Variants in ITPKC observed in about 807,000 individuals in gnomAD.
ITPKC encodes IP3 3-kinase C.
Under a neutral mutation model 67.1 loss-of-function variants are expected in ITPKC, and 33 were observed. The observed-to-expected ratio is 0.49, with a 90% CI of 0.37 to 0.66. The LOEUF (loss-of-function observed/expected upper bound fraction) is 0.66, where lower values mean the gene tolerates loss of function less well. ITPKC is among the 30% of genes least tolerant of loss of function. The pLI, the probability that ITPKC is intolerant of heterozygous loss-of-function variation, is 0.00. For missense variants in ITPKC, 820 were observed against 892.1 expected (o/e 0.92, Z 1.03); for synonymous variants, 341 against 359.8 (o/e 0.95, Z 0.59).
chr19:40,729,457 G>A (rs369015336), intron 3 of ITPKC, 42 bp downstream of exon 3: 63 of 1,548,884 alleles, frequency 4.1e-5, no homozygotes, highest in Non-Finnish European at 5.4e-5. Context: ...GAGGGCAGGG[G>A]GTGGGCATTA....
At chr19:40,735,821 T>C (rs1416434110) in intron 4 of ITPKC, among the ~76,000 whole-genome samples, 1 of 152,170 alleles carries the variant, frequency 6.6e-6, no homozygotes, top group Admixed American at 6.5e-5. Flanking sequence ...CAGATAACAT[T>C]AGTCTCATTA....
intron 5 of ITPKC, among the ~76,000 whole-genome samples, chr19:40,737,344 C>T (rs1037661641): frequency 4.6e-5 from 7 of 152,250 alleles, no homozygotes; most frequent in African/African-American, 1.4e-4. Flanking sequence ...ACAGTGGAGG[C>T]AGGGGGCCAA....
At position 40,737,787 on chromosome 19, in the gene ITPKC, C is replaced by T; in HGVS notation, c.1848+18C>T. On this transcript the variant is annotated intron_variant, in intron 6 of 6. Coordinates refer to ENST00000263370, the MANE Select transcript of ITPKC (RefSeq NM_025194.3). Reference sequence around the variant, plus strand: ...CCCACGAGGTGCGAGCCCTGGCTTCCATGGGTGGATGTATGGGTGTCGGGG... The same window carrying T: ...CCCACGAGGTGCGAGCCCTGGCTTCTATGGGTGGATGTATGGGTGTCGGGG... 6.2e-7 allele frequency: 1 copy of T among 1,607,372 alleles called. No individual in the cohort carries two copies. Among genetic ancestry groups the T allele is most frequent in the Non-Finnish European group, 8.5e-7 (1 of 1,173,914 alleles).
intron 2 of ITPKC, among the ~76,000 whole-genome samples, chr19:40,728,983 G>A (rs980366876): frequency 3.9e-5 from 6 of 152,014 alleles, no homozygotes; most frequent in East Asian, 3.9e-4. Flanking sequence ...AGCCGAGATC[G>A]CACCATTGCA....
chr19:40,717,961 T>G lies in ITPKC; in HGVS notation c.826T>G (p.Ser276Ala). 6.2e-7 allele frequency: 1 copy of G among 1,614,084 alleles called. No homozygotes were observed. The highest frequency in any genetic ancestry group is 8.5e-7 in the Non-Finnish European group (1 of 1,180,014). The change falls in exon 1 of 7, where the codon TCC becomes GCC. Residue 276 changes from serine (S) to alanine (A), a missense_variant. By Grantham distance (99) the Ser-to-Ala change is moderately conservative (BLOSUM62 1). This residue lies in a region of ITPKC where 481 missense variants were observed against 470.1 expected (regional missense o/e 1.02). Transcript: ENST00000263370. Reference protein sequence around the residue: ...GFQIQQDTDGSWTQPSTDGSQ... With the variant: ...GFQIQQDTDGAWTQPSTDGSQ... ...CCAAATACAACAGGATACTGATGGC[T>G]CCTGGACACAACCTAGCACTGACGG...
At chr19:40,733,448 G>A in intron 4 of ITPKC, 84 bp downstream of exon 4, 1 of 1,294,426 alleles carries the variant, frequency 7.7e-7, no homozygotes, top group Non-Finnish European at 1.1e-6. Flanking sequence ...AGCCACGAGA[G>A]AGTGCAGGAG....
At chr19:40,738,320 T>C (rs1013823897) in intron 6 of ITPKC, among the ~76,000 whole-genome samples, 2 of 152,076 alleles carry the variant, frequency 1.3e-5, no homozygotes, top group African/African-American at 4.8e-5. Context: ...TCCCAGCTAC[T>C]TGGGAGGCTG....
At position 40,717,834 on chromosome 19, in the gene ITPKC, A is replaced by C. The variant is rs746439303; in HGVS notation, c.699A>C (p.Thr233=). 6.2e-7 allele frequency: 1 copy of C among 1,614,146 alleles called. No individual in the cohort carries two copies. The highest frequency in any genetic ancestry group is 1.1e-5 in the South Asian group (1 of 91,086). ...WKELYTDGSR[T]QQDIEGPWTE... ...AATTGTATACTGATGGCTCCAGGAC[A>C]CAACAGGATATTGAAGGTCCCTGGA... Residue 233 remains threonine, a synonymous_variant, in exon 1 of 7, where the codon ACA becomes ACC. Transcript: ENST00000263370.
At chr19:40,728,502 T>G (rs1045962261) in intron 2 of ITPKC, among the ~76,000 whole-genome samples, 1 of 152,198 alleles carries the variant, frequency 6.6e-6, no homozygotes, top group East Asian at 1.9e-4. Context: ...ATAAATTAAC[T>G]TAAATAGGCC....
At chr19:40,724,368 T>G (rs2082236303) in intron 1 of ITPKC, among the ~76,000 whole-genome samples, 1 of 152,184 alleles carries the variant, frequency 6.6e-6, no homozygotes, top group Admixed American at 6.5e-5. Flanking sequence ...GCAGTCTGGC[T>G]GACGGAGTGA....
At chr19:40,720,235 C>T (rs559988902) in intron 1 of ITPKC, among the ~76,000 whole-genome samples, 25 of 151,982 alleles carry the variant, frequency 1.6e-4, no homozygotes, top group African/African-American at 5.6e-4. Flanking sequence ...CGTGTGATGG[C>T]GGGCACCTGT....
chr19:40,740,458 G>GCC lies in ITPKC; in HGVS notation c.*901_*902dup. Reference sequence around the variant, plus strand: ...ACTCAGAGCTGCTGCACTCAGGAGGGCCCCATCCAATCCCGGGCCCCTGCA... The same window carrying GCC: ...ACTCAGAGCTGCTGCACTCAGGAGGGCCCCCCATCCAATCCCGGGCCCCTGCA... On this transcript the variant is annotated 3_prime_UTR_variant, in exon 7 of 7. Coordinates refer to ENST00000263370, the MANE Select transcript of ITPKC (RefSeq NM_025194.3). 1 of 203,794 alleles carries GCC rather than the reference G, an allele frequency of 4.9e-6. No individual in the cohort carries two copies. The highest frequency in any genetic ancestry group is 1.0e-4 in the East Asian group (1 of 9,714). 12.6% of individuals were successfully genotyped at this position (203,794 alleles called of 1,614,324 possible). A position where few individuals can be genotyped will look rare whatever the true frequency, so the allele number is the denominator to read the frequency against.
intron 3 of ITPKC, among the ~76,000 whole-genome samples, chr19:40,731,140 G>T (rs1339430911): frequency 6.6e-6 from 1 of 152,134 alleles, no homozygotes. Flanking sequence ...ATATAAAGCA[G>T]GGGTCCCCAA....
At chr19:40,730,302 A>G (rs1322344741) in intron 3 of ITPKC, among the ~76,000 whole-genome samples, 1 of 152,056 alleles carries the variant, frequency 6.6e-6, no homozygotes, top group Non-Finnish European at 1.5e-5. Flanking sequence ...TAATCCCAAC[A>G]CTCTGGGAGG....
rs2082321592 is a variant in ITPKC at position 40,740,491 on chromosome 19, G to A, written c.*931G>A. 4.7e-6 allele frequency: 1 copy of A among 211,754 alleles called. No individual in the cohort carries two copies. Among genetic ancestry groups the A allele is most frequent in the East Asian group, 9.6e-5 (1 of 10,384 alleles). 13.1% of individuals were successfully genotyped at this position (211,754 alleles called of 1,614,324 possible). On this transcript the variant is annotated 3_prime_UTR_variant, in exon 7 of 7. Coordinates refer to ENST00000263370, the MANE Select transcript of ITPKC (RefSeq NM_025194.3). ...CAATCCCGGGCCCCTGCAGGGAAAA[G>A]CGCTGGGTGTGTGTCAGAGGCGCAG...
chr19:40,732,519 G>A (rs1233159343), intron 3 of ITPKC, among the ~76,000 whole-genome samples: 2 of 87,626 alleles, frequency 2.3e-5, no homozygotes, highest in Non-Finnish European at 4.4e-5. Flanking sequence ...TCGGGCGGGC[G>A]TCAAAAAAAA....
intron 1 of ITPKC, among the ~76,000 whole-genome samples, chr19:40,723,995 G>A (rs549223142): frequency 6.6e-6 from 1 of 152,332 alleles, no homozygotes; most frequent in South Asian, 2.1e-4. Context: ...CAGGGTCCCA[G>A]GCTGAGGGAG....
chr19:40,731,913 G>C lies in ITPKC; in HGVS notation c.1470-1247G>C, dbSNP rs377535309. Among the ~76,000 whole-genome samples the C allele has an allele frequency of 2.0e-5, 3 of 151,966 alleles. No individual in the cohort carries two copies. In the East Asian group the frequency reaches 5.8e-4, roughly 29 times the overall value. On this transcript the variant is annotated intron_variant, in intron 3 of 6. Coordinates refer to ENST00000263370, the MANE Select transcript of ITPKC (RefSeq NM_025194.3). ...TCAGAGATTTTGGTTTCTTGAGCCA[G>C]CTTCTGAGATCTAACACACCTAAAA...
intron 2 of ITPKC, among the ~76,000 whole-genome samples, chr19:40,725,884 G>A (rs1050512553): frequency 2.0e-5 from 3 of 151,894 alleles, no homozygotes; most frequent in Admixed American, 6.6e-5. Context: ...CAGGAGGATC[G>A]CTTGAGCCCA....
Sources: gnomAD v4.1 joint callset for allele counts (sites outside exome capture counted in the v4.1 genomes callset) on GRCh38, gnomAD v4.1.1 for gene constraint, gnomAD v4.1.1 regional missense constraint, MANE v1.5 for transcripts, NCBI Gene and HGNC (gene_info 2026-07-23, HGNC 2026-07-21) for gene names.